Variants in HNRNPC observed in about 807,000 individuals in gnomAD.
HNRNPC encodes the protein heterogeneous nuclear ribonucleoproteins C1/C2.
In HNRNPC, 3 loss-of-function variants were observed where a neutral mutation model predicts 33.2. That is an observed-to-expected ratio of 0.09 (90% CI 0.04 to 0.23). HNRNPC has a LOEUF of 0.23. Ranked by LOEUF, HNRNPC falls within the 10% of genes least tolerant of loss-of-function variation. HNRNPC has a pLI of 1.00. For missense variants in HNRNPC, 143 were observed against 366.7 expected (o/e 0.39, Z 4.98); for synonymous variants, 121 against 126.7 (o/e 0.96, Z 0.30).
chr14:21,217,364 C>A (rs1012742018), intron 5 of HNRNPC, among the ~76,000 whole-genome samples: 2 of 152,204 alleles, frequency 1.3e-5, no homozygotes, highest in South Asian at 4.1e-4. Flanking sequence ...CGGATACTAT[C>A]AACTGCAAGC....
At chr14:21,249,961 G>C (rs1005212850) in intron 2 of HNRNPC, among the ~76,000 whole-genome samples, 4 of 152,080 alleles carry the variant, frequency 2.6e-5, no homozygotes, top group Non-Finnish European at 5.9e-5. Flanking sequence ...ACTGAGAACT[G>C]AATCAAGAGA....
At chr14:21,265,971 T>C (rs1878908973) in intron 1 of HNRNPC, among the ~76,000 whole-genome samples, 1 of 152,210 alleles carries the variant, frequency 6.6e-6, no homozygotes, top group African/African-American at 2.4e-5. Context: ...CCAGACTTAC[T>C]TAATTAGAAA....
chr14:21,241,918 T>C lies in HNRNPC; in HGVS notation c.-36-7689A>G, dbSNP rs1276956782. Among the ~76,000 whole-genome samples the C allele has an allele frequency of 3.9e-5, 6 of 152,328 alleles. No individual in the cohort carries two copies. The South Asian group carries it at 1.2e-3, about 32-fold the overall frequency. ...AGAACACATTATGTTAACTGCTATG[T>C]TTAAGTATTAGAACTAAGAATACCT... is the stretch of plus-strand genomic sequence containing the variant. On this transcript the variant is annotated intron_variant, in intron 2 of 8. Coordinates refer to ENST00000553300, the MANE Select transcript of HNRNPC (RefSeq NM_004500.4).
chr14:21,216,666 A>AC lies in HNRNPC; in HGVS notation c.366-3550dup, dbSNP rs144732791. ...GGAGTTCATAATGAGTCAAGATCCC[A>AC]CCACTGCACTCCGGCATGGATCACA... On this transcript the variant is annotated intron_variant, in intron 5 of 8. Coordinates refer to ENST00000553300, the MANE Select transcript of HNRNPC (RefSeq NM_004500.4). Among the ~76,000 whole-genome samples, 1,162 of 152,258 alleles carry AC rather than the reference A, an allele frequency of 7.6e-3. 18 individuals carry two copies. Among genetic ancestry groups the AC allele is most frequent in the African/African-American group, 0.027 (1,111 of 41,550 alleles).
intron 5 of HNRNPC, among the ~76,000 whole-genome samples, chr14:21,224,940 T>C (rs1046386552): frequency 6.6e-6 from 1 of 152,148 alleles, no homozygotes; most frequent in Admixed American, 6.5e-5. Flanking sequence ...ATATACTGTA[T>C]TACTAGTCAT....
chr14:21,210,566 C>T lies in HNRNPC; in HGVS notation c.*657G>A, dbSNP rs543648404. 6.6e-6 allele frequency: 1 copy of T among 151,924 alleles called. No homozygotes were observed. Among genetic ancestry groups the T allele is most frequent in the South Asian group, 2.1e-4 (1 of 4,792 alleles). 9.4% of individuals were successfully genotyped at this position (151,924 alleles called of 1,614,324 possible). A position where few individuals can be genotyped will look rare whatever the true frequency, so the allele number is the denominator to read the frequency against. Reference sequence around the variant, plus strand: ...CAGGGTTTTTTTTTTCTCCAAATTCCTGGTTTAATAAGGACTTGTTTATTT... The same window carrying T: ...CAGGGTTTTTTTTTTCTCCAAATTCTTGGTTTAATAAGGACTTGTTTATTT... On this transcript the variant is annotated 3_prime_UTR_variant, in exon 9 of 9. Coordinates refer to ENST00000553300, the MANE Select transcript of HNRNPC (RefSeq NM_004500.4).
intron 2 of HNRNPC, among the ~76,000 whole-genome samples, chr14:21,253,366 C>A (rs1292543437): frequency 1.3e-5 from 2 of 148,320 alleles, no homozygotes; most frequent in East Asian, 3.9e-4. Context: ...CCCAGCTACT[C>A]CAGAGGCTGA....
chr14:21,212,916 A>C (rs1891775434), intron 6 of HNRNPC, 44 bp downstream of exon 6: 1 of 1,607,470 alleles, frequency 6.2e-7, no homozygotes, highest in African/African-American at 1.3e-5. Context: ...TCCCTATCTC[A>C]AAACACAAGA....
At chr14:21,212,831 C>T (rs1891765760) in intron 6 of HNRNPC, 129 bp downstream of exon 6, 7 of 1,219,210 alleles carry the variant, frequency 5.7e-6, no homozygotes, top group African/African-American at 3.0e-5. Flanking sequence ...GCATGAGCCA[C>T]CACACACCCA....
At chr14:21,256,034 T>C (rs554938615) in intron 2 of HNRNPC, among the ~76,000 whole-genome samples, 14 of 152,244 alleles carry the variant, frequency 9.2e-5, no homozygotes, top group African/African-American at 2.2e-4. Flanking sequence ...TGAAGCACAG[T>C]ATATTAACAG....
intron 5 of HNRNPC, among the ~76,000 whole-genome samples, chr14:21,221,733 CTGAATACATGTGTGGAAGAGTA>C (rs1892842872): frequency 6.6e-6 from 1 of 152,056 alleles, no homozygotes; most frequent in African/African-American, 2.4e-5. Flanking sequence ...GGGTAATAAT[CTGAATACATGTGTGGAAGAGTA>C]AACAAATGGC....
chr14:21,264,483 T>G (rs1456779737), intron 1 of HNRNPC: 1 of 152,248 alleles, frequency 6.6e-6, no homozygotes, highest in African/African-American at 2.4e-5. Flanking sequence ...ATTAAGGTCC[T>G]TATGTTAATA....
In HNRNPC at chr14:21,210,281, G is replaced by A. The variant is rs1284889601; in HGVS notation, c.*942C>T. 1.3e-5 allele frequency: 2 copies of A among 152,180 alleles called. No homozygotes were observed. The highest frequency in any genetic ancestry group is 2.4e-5 in the African/African-American group (1 of 41,438). The allele number at this position is 152,180 out of a possible 1,614,324, so 9.4% of individuals were successfully genotyped here. A position where few individuals can be genotyped will look rare whatever the true frequency, so the allele number is the denominator to read the frequency against. On this transcript the variant is annotated 3_prime_UTR_variant, in exon 9 of 9. Coordinates refer to ENST00000553300, the MANE Select transcript of HNRNPC (RefSeq NM_004500.4). ...GGTGCCAGCTGGACCACAAAGCACT[G>A]ATGAAAAGGCAGAGAGGATATACTT...
intron 5 of HNRNPC, among the ~76,000 whole-genome samples, chr14:21,220,935 A>C (rs1408771016): frequency 6.6e-6 from 1 of 152,026 alleles, no homozygotes; most frequent in East Asian, 1.9e-4. Context: ...AAAATACACA[A>C]AAAAAGTCAG....
At chr14:21,228,566 A>AT (rs988472114) in intron 5 of HNRNPC, among the ~76,000 whole-genome samples, 39 of 151,666 alleles carry the variant, frequency 2.6e-4, no homozygotes, top group Non-Finnish European at 4.7e-4. Flanking sequence ...TAATTTTTGT[A>AT]TTTTTTTAGT....
chr14:21,244,191 T>A (rs1332743374), intron 2 of HNRNPC, among the ~76,000 whole-genome samples: 1 of 151,942 alleles, frequency 6.6e-6, no homozygotes, highest in South Asian at 2.1e-4. Flanking sequence ...AGAGATGGGG[T>A]TTCACCATGT....
At chr14:21,214,318 T>C (rs569627308) in intron 5 of HNRNPC, among the ~76,000 whole-genome samples, 49 of 152,324 alleles carry the variant, frequency 3.2e-4, no homozygotes, top group Non-Finnish European at 5.1e-4. Context: ...TTATTCTGAG[T>C]TGTAATATCT....
At chr14:21,249,562 G>A (rs967233618) in intron 2 of HNRNPC, among the ~76,000 whole-genome samples, 1 of 138,086 alleles carries the variant, frequency 7.2e-6, no homozygotes, top group African/African-American at 2.9e-5. Flanking sequence ...CTCCAGCCTG[G>A]GCAACAAGAG....
chr14:21,218,681 C>CA (rs71112557), intron 5 of HNRNPC, among the ~76,000 whole-genome samples: 5,421 of 51,172 alleles, frequency 0.11, 1,410 homozygotes, highest in African/African-American at 0.25. Context: ...AACTCTCTCT[C>CA]AAAAAAAAAA....
Sources: allele counts gnomAD v4.1 joint callset (sites outside exome capture counted in the v4.1 genomes callset), GRCh38; gene constraint gnomAD v4.1.1; transcripts MANE v1.5; gene names NCBI Gene and HGNC (gene_info 2026-07-23, HGNC 2026-07-21).